The following INSL6 variants were observed in gnomAD, a reference collection of about 807,000 sequenced individuals.
The protein encoded by INSL6 is insulin-like peptide INSL6.
Under a neutral mutation model 9.4 loss-of-function variants are expected in INSL6, and 16 were observed. That is an observed-to-expected ratio of 1.70 (90% CI 1.15 to 2.59). The LOEUF (loss-of-function observed/expected upper bound fraction) is 2.59, where lower values mean the gene tolerates loss of function less well. INSL6 is among the 30% of genes most tolerant of loss of function. The probability of loss-of-function intolerance (pLI) is 0.00; values close to 1 mark genes in which losing one functional copy is unlikely to be tolerated. For missense variants in INSL6, 391 were observed against 257.3 expected (o/e 1.52, Z -3.56); for synonymous variants, 154 against 96.9 (o/e 1.59, Z -3.46).
the INSL6 span, chr9:5,050,916 C>T: frequency 1.7e-6 from 2 of 1,208,950 alleles, no homozygotes; most frequent in Non-Finnish European, 2.4e-6. Flanking sequence ...TTACCCATGC[C>T]TTTTGATTTT....
At chr9:5,020,128 G>A in the INSL6 span, among the ~76,000 whole-genome samples, 2 of 152,174 alleles carry the variant, frequency 1.3e-5, no homozygotes, top group Admixed American at 6.5e-5. Context: ...AGCAGTGGTA[G>A]GAGAACCTCT....
chr9:5,102,147 A>G, the INSL6 span, among the ~76,000 whole-genome samples: 1 of 152,202 alleles, frequency 6.6e-6, no homozygotes, highest in African/African-American at 2.4e-5. Flanking sequence ...CCTTGAAAAA[A>G]GATTAGACCA....
At chr9:5,135,741 A>C (rs552659059) in intron 2 of INSL6, among the ~76,000 whole-genome samples, 1 of 152,180 alleles carries the variant, frequency 6.6e-6, no homozygotes, top group Non-Finnish European at 1.5e-5. Context: ...ACAAATTTAA[A>C]AGCTAGCAGA....
chr9:5,162,693 CT>C (rs773139768), downstream of INSL6, among the ~76,000 whole-genome samples: 27 of 152,248 alleles, frequency 1.8e-4, no homozygotes, highest in Non-Finnish European at 3.2e-4. Flanking sequence ...AGACTGTACC[CT>C]GAAACTGATT....
the INSL6 span, chr9:5,044,458 A>G: frequency 3.1e-6 from 5 of 1,613,398 alleles, no homozygotes; most frequent in Middle Eastern, 3.3e-4. Context: ...TCGGCATGGA[A>G]TATCTCGAGG....
intron 3 of INSL6, chr9:5,126,870 T>C: frequency 1.4e-6 from 1 of 725,942 alleles, no homozygotes; most frequent in Non-Finnish European, 2.3e-6. Flanking sequence ...GGACTATTAT[T>C]ACATATATCA....
chr9:5,128,818 A>T (rs1238739693), intron 3 of INSL6, among the ~76,000 whole-genome samples: 5 of 152,050 alleles, frequency 3.3e-5, no homozygotes, highest in Admixed American at 3.3e-4. Context: ...TACAAGAAAC[A>T]GGTAAGTAAT....
At chr9:5,019,431 A>G in the INSL6 span, among the ~76,000 whole-genome samples, 39 of 151,760 alleles carry the variant, frequency 2.6e-4, no homozygotes, top group East Asian at 7.6e-3. Context: ...TGATATCCTG[A>G]GTTGTTTTTC....
intron 1 of INSL6, among the ~76,000 whole-genome samples, chr9:5,184,951 G>C (rs1254358340): frequency 6.6e-6 from 1 of 152,182 alleles, no homozygotes; most frequent in Non-Finnish European, 1.5e-5. Flanking sequence ...TACTGTGGTA[G>C]AAAGGACAAT....
At chr9:5,123,209 T>G (rs754192992), downstream of INSL6, 9 of 749,864 alleles carry the variant, frequency 1.2e-5, no homozygotes, top group Non-Finnish European at 2.0e-5. Flanking sequence ...TTTTGCTACA[T>G]GCATACATTG....
At chr9:5,020,861 T>A in the INSL6 span, among the ~76,000 whole-genome samples, 1 of 152,030 alleles carries the variant, frequency 6.6e-6, no homozygotes, top group African/African-American at 2.4e-5. Context: ...CAGGGGCTGT[T>A]GGGCTCCAGG....
chr9:4,996,140 C>T, the INSL6 span, among the ~76,000 whole-genome samples: 1 of 152,136 alleles, frequency 6.6e-6, no homozygotes, highest in Non-Finnish European at 1.5e-5. Flanking sequence ...GACAGAATTA[C>T]AGGGAAGTCT....
chr9:5,007,354 A>G, the INSL6 span, among the ~76,000 whole-genome samples: 1 of 152,110 alleles, frequency 6.6e-6, no homozygotes, highest in Admixed American at 6.5e-5. Flanking sequence ...AAATATATTG[A>G]TTAATTTACA....
chr9:5,072,410 C>A, the INSL6 span: 1 of 1,027,328 alleles, frequency 9.7e-7, no homozygotes, highest in Non-Finnish European at 1.3e-6. Flanking sequence ...TAAAAAAATT[C>A]TTCCTCATTG....
At chr9:5,104,577 C>T in the INSL6 span, among the ~76,000 whole-genome samples, 17 of 152,016 alleles carry the variant, frequency 1.1e-4, no homozygotes, top group African/African-American at 2.2e-4. Context: ...AGCATCAGCC[C>T]GATACCAAAG....
the INSL6 span, chr9:5,072,720 A>G: frequency 2.1e-6 from 2 of 965,674 alleles, no homozygotes; most frequent in Non-Finnish European, 1.4e-6. Context: ...AGCTTTTCAA[A>G]ATTGTAATTT....
the INSL6 span, among the ~76,000 whole-genome samples, chr9:5,057,667 G>C: frequency 7.0e-6 from 1 of 143,444 alleles, no homozygotes; most frequent in Admixed American, 7.5e-5. Context: ...ACTGTAACCT[G>C]TGCCTCCTGG....
the INSL6 span, among the ~76,000 whole-genome samples, chr9:5,005,161 G>C: frequency 8.0e-6 from 1 of 125,176 alleles, no homozygotes; most frequent in Non-Finnish European, 1.6e-5. Flanking sequence ...TGTTGCCCAG[G>C]CTGGTCTTGA....
At chr9:5,175,791 C>G (rs894671707) in intron 1 of INSL6, among the ~76,000 whole-genome samples, 2 of 152,144 alleles carry the variant, frequency 1.3e-5, no homozygotes, top group African/African-American at 4.8e-5. Flanking sequence ...GATTATCTAT[C>G]ACTGTCTCCC....
Sources: gnomAD v4.1 joint callset for allele counts (sites outside exome capture counted in the v4.1 genomes callset) on GRCh38, gnomAD v4.1.1 for gene constraint, MANE v1.5 for transcripts, NCBI Gene and HGNC (gene_info 2026-07-23, HGNC 2026-07-21) for gene names.